Variants in ADCK1 observed in about 807,000 individuals in gnomAD.
The protein encoded by ADCK1 is aarF domain-containing protein kinase 1.
A neutral mutation model predicts 52.3 loss-of-function variants in ADCK1; 41 were observed. The ratio of observed to expected loss-of-function variants is 0.78; its 90% confidence interval spans 0.61 to 1.02. The LOEUF is 1.02. Among genes scored for constraint, ADCK1 ranks in the 50% least tolerant of loss-of-function variants. The probability of loss-of-function intolerance (pLI) is 0.00; values close to 1 mark genes in which losing one functional copy is unlikely to be tolerated. For missense variants in ADCK1, 658 were observed against 679.5 expected, an observed-to-expected ratio of 0.97 and a Z score of 0.35; for synonymous variants, 250 against 274.6, an observed-to-expected ratio of 0.91 and a Z score of 0.89.
intron 7 of ADCK1, among the ~76,000 whole-genome samples, chr14:77,919,697 A>G (rs2084005301): frequency 6.6e-6 from 1 of 152,206 alleles, no homozygotes; most frequent in Non-Finnish European, 1.5e-5. Context: ...TTACATTCCC[A>G]CCAGCAGTGT....
chr14:77,891,561 C>T (rs1327084208), intron 5 of ADCK1, among the ~76,000 whole-genome samples: 1 of 152,192 alleles, frequency 6.6e-6, no homozygotes, highest in African/African-American at 2.4e-5. Context: ...CATCTTCCTC[C>T]CTGAGATAAG....
intron 4 of ADCK1, among the ~76,000 whole-genome samples, chr14:77,865,865 T>G (rs575316109): frequency 6.3e-4 from 96 of 152,358 alleles, no homozygotes; most frequent in African/African-American, 2.1e-3. Context: ...GCAAGCTTGC[T>G]GCAGGGCAAG....
At chr14:77,802,836 C>A (rs1433690532) in intron 1 of ADCK1, among the ~76,000 whole-genome samples, 1 of 152,070 alleles carries the variant, frequency 6.6e-6, no homozygotes, top group African/African-American at 2.4e-5. Context: ...TGCCTGTAGT[C>A]CCAGCTACTC....
At chr14:77,822,623 T>A in intron 3 of ADCK1, 105 bp downstream of exon 3, 2 of 994,668 alleles carry the variant, frequency 2.0e-6, no homozygotes, top group Non-Finnish European at 3.1e-6. Flanking sequence ...GTGCTGGGAT[T>A]AAAGGCATGA....
intron 4 of ADCK1, among the ~76,000 whole-genome samples, chr14:77,868,879 G>GC (rs1301803067): frequency 6.6e-6 from 1 of 152,202 alleles, no homozygotes; most frequent in African/African-American, 2.4e-5. Context: ...TCCCTCCAAA[G>GC]CCAAGCAGGC....
intron 5 of ADCK1, among the ~76,000 whole-genome samples, chr14:77,888,645 GGCA>G (rs879263879): frequency 6.6e-6 from 1 of 152,068 alleles, no homozygotes; most frequent in Non-Finnish European, 1.5e-5. Flanking sequence ...GGGTTCAAGG[GGCA>G]GAATCATCAG....
chr14:77,919,812 A>C (rs1446004309), intron 7 of ADCK1, among the ~76,000 whole-genome samples: 1 of 151,822 alleles, frequency 6.6e-6, no homozygotes, highest in Non-Finnish European at 1.5e-5. Flanking sequence ...TGTGGTTTTG[A>C]TTTGCATTTC....
intron 3 of ADCK1, among the ~76,000 whole-genome samples, chr14:77,852,989 C>G (rs1272873886): frequency 7.3e-6 from 1 of 136,386 alleles, no homozygotes; most frequent in Admixed American, 7.7e-5. Context: ...GCTCAGGCAA[C>G]CCATCGTCCC....
At chr14:77,813,320 T>A (rs1027737540) in intron 1 of ADCK1, among the ~76,000 whole-genome samples, 1 of 151,550 alleles carries the variant, frequency 6.6e-6, no homozygotes, top group African/African-American at 2.4e-5. Flanking sequence ...ATTATTATTA[T>A]TTTTTTGGAG....
At chr14:77,850,285 G>C (rs1314612829) in intron 3 of ADCK1, among the ~76,000 whole-genome samples, 1 of 152,198 alleles carries the variant, frequency 6.6e-6, no homozygotes, top group African/African-American at 2.4e-5. Context: ...TTCTGCTGTT[G>C]TTGGACAGTG....
chr14:77,879,625 G>A (rs776659697), intron 4 of ADCK1, among the ~76,000 whole-genome samples: 1 of 152,206 alleles, frequency 6.6e-6, no homozygotes, highest in Non-Finnish European at 1.5e-5. Flanking sequence ...GGAAGCTGGT[G>A]TAGTGACTTA....
intron 3 of ADCK1, among the ~76,000 whole-genome samples, chr14:77,846,245 T>G (rs776338620): frequency 6.6e-6 from 1 of 152,154 alleles, no homozygotes; most frequent in African/African-American, 2.4e-5. Context: ...AGCCAGCTGG[T>G]GCCACCCCCG....
chr14:77,852,908 T>TATATATATATATA (rs56338375), intron 3 of ADCK1, among the ~76,000 whole-genome samples: 52 of 23,388 alleles, frequency 2.2e-3, no homozygotes, highest in East Asian at 3.5e-3. Flanking sequence ...TATATATATA[T>TATATATATATATA]TTTTTTTTTT....
intron 4 of ADCK1, among the ~76,000 whole-genome samples, chr14:77,873,049 G>A (rs1161960217): frequency 6.6e-6 from 1 of 151,954 alleles, no homozygotes; most frequent in Non-Finnish European, 1.5e-5. Flanking sequence ...TTGGTTACAT[G>A]GGTAAGTTCT....
chr14:77,832,851 T>G (rs73319433), intron 3 of ADCK1, among the ~76,000 whole-genome samples: 2,255 of 152,316 alleles, frequency 0.015, 56 homozygotes, highest in African/African-American at 0.051. Context: ...AAGGGAACTG[T>G]AGCAATGTCT....
chr14:77,812,387 G>T (rs892275674), intron 1 of ADCK1, among the ~76,000 whole-genome samples: 1 of 152,048 alleles, frequency 6.6e-6, no homozygotes, highest in African/African-American at 2.4e-5. Context: ...TGCAGTATTT[G>T]TCTTTCTGTG....
intron 3 of ADCK1, among the ~76,000 whole-genome samples, chr14:77,839,591 T>TC (rs1481117795): frequency 6.6e-6 from 1 of 151,972 alleles, no homozygotes; most frequent in African/African-American, 2.4e-5. Context: ...AATGCAGGCC[T>TC]CCCCTTCCCG....
chr14:77,927,308 T>C (rs563498508), intron 9 of ADCK1, among the ~76,000 whole-genome samples: 4 of 152,266 alleles, frequency 2.6e-5, no homozygotes. Context: ...TCTACAGCCT[T>C]GAAGCCCGTC....
intron 3 of ADCK1, among the ~76,000 whole-genome samples, chr14:77,843,394 T>G (rs573462878): frequency 2.4e-4 from 36 of 152,218 alleles, no homozygotes; most frequent in Non-Finnish European, 4.3e-4. Flanking sequence ...GCCCTCACTC[T>G]TCTAGCCGCT....
Sources: gnomAD v4.1 joint callset for allele counts (sites outside exome capture counted in the v4.1 genomes callset) on GRCh38, gnomAD v4.1.1 for gene constraint, MANE v1.5 for transcripts, NCBI Gene and HGNC (gene_info 2026-07-23, HGNC 2026-07-21) for gene names.